The following FAM222B variants were observed in gnomAD, a reference collection of about 807,000 sequenced individuals.
The protein encoded by FAM222B is protein FAM222B.
In FAM222B, 12 loss-of-function variants were observed where a neutral mutation model predicts 38.0. The observed-to-expected ratio is 0.32, with a 90% CI of 0.20 to 0.51. The LOEUF is 0.51. Among genes scored for constraint, FAM222B ranks in the 20% least tolerant of loss-of-function variants. The pLI is 0.97. For synonymous variants in FAM222B, 329 were observed against 317.2 expected (o/e 1.04, Z -0.40); for missense variants, 716 against 754.2 (o/e 0.95, Z 0.59).
intron 1 of FAM222B, among the ~76,000 whole-genome samples, chr17:28,803,765 G>A (rs2037349005): frequency 6.6e-6 from 1 of 151,982 alleles, no homozygotes. Context: ...GGATCAAGAG[G>A]TCAGGAGTTC....
At chr17:28,783,514 ATT>A (rs780468798) in intron 1 of FAM222B, among the ~76,000 whole-genome samples, 29 of 97,122 alleles carry the variant, frequency 3.0e-4, no homozygotes, top group Admixed American at 4.4e-4. Flanking sequence ...CCTTCATGAG[ATT>A]TTTTTTTTTT....
chr17:28,768,984 C>A (rs1404843744), intron 1 of FAM222B, among the ~76,000 whole-genome samples: 1 of 151,734 alleles, frequency 6.6e-6, no homozygotes, highest in Non-Finnish European at 1.5e-5. Context: ...GGAGCTAAAA[C>A]TGTGAAATGG....
At chr17:28,814,492 T>C (rs2037938165) in intron 1 of FAM222B, among the ~76,000 whole-genome samples, 2 of 152,170 alleles carry the variant, frequency 1.3e-5, no homozygotes, top group African/African-American at 4.8e-5. Context: ...AGTTTCGCTC[T>C]GTTTCCCAAG....
rs978374028 is a variant in FAM222B at position 28,758,118 on chromosome 17, G to C, written c.*152C>G. ...AGGGGAGGACGAGAGGACCCCTTCT[G>C]TCCCCACTTAGATCCCACCAAATTC... On this transcript the variant is annotated 3_prime_UTR_variant, in exon 3 of 3. Transcript: ENST00000581407. 2 of 699,154 alleles carry C rather than the reference G, an allele frequency of 2.9e-6. No homozygotes were observed. Among genetic ancestry groups the C allele is most frequent in the Non-Finnish European group, 4.6e-6 (2 of 439,156 alleles). 43.3% of individuals were successfully genotyped at this position (699,154 alleles called of 1,614,324 possible).
chr17:28,796,660 T>G lies in FAM222B; in HGVS notation c.-40-29953A>C, dbSNP rs572146524. ...AATTTATCTTCTTTTAACAAAATCCTGGAAAAATCTTATTTTTCAACAGGC... is the reference window on the plus strand; with the variant it reads ...AATTTATCTTCTTTTAACAAAATCCGGGAAAAATCTTATTTTTCAACAGGC... On this transcript the variant is annotated intron_variant, in intron 1 of 2. Transcript: ENST00000581407. 2.6e-5 allele frequency among the ~76,000 whole-genome samples: 4 copies of G among 152,080 alleles called. No individual in the cohort carries two copies. The South Asian group carries it at 8.3e-4, about 32-fold the overall frequency.
intron 1 of FAM222B, among the ~76,000 whole-genome samples, chr17:28,830,051 G>A (rs1418870759): frequency 6.6e-6 from 1 of 151,564 alleles, no homozygotes; most frequent in Non-Finnish European, 1.5e-5. Context: ...AGGTTTCACT[G>A]TGTTAACCAG....
At chr17:28,790,884 CTTTTTTTTTTTTTTTTTT>C (rs60664262) in intron 1 of FAM222B, among the ~76,000 whole-genome samples, 6 of 86,092 alleles carry the variant, frequency 7.0e-5, no homozygotes, top group Middle Eastern at 0.015. Flanking sequence ...AATTGTTTCA[CTTTTTTTTTTTTTTTTTT>C]TTTTTTTTTT....
chr17:28,756,435 G>A lies in FAM222B; in HGVS notation c.*1835C>T, dbSNP rs1267647060. On this transcript the variant is annotated 3_prime_UTR_variant, in exon 3 of 3. Transcript: ENST00000581407. ...AATAGCAGCTCACCTTTCAGGGAGA[G>A]GTATTGGGGAGGAAAAAAAAATACA... The A allele has an allele frequency of 6.6e-6, 1 of 152,526 alleles. No individual in the cohort carries two copies. Among genetic ancestry groups the A allele is most frequent in the Admixed American group, 6.6e-5 (1 of 15,260 alleles). 9.4% of individuals were successfully genotyped at this position (152,526 alleles called of 1,614,324 possible).
At chr17:28,760,143 G>A (rs1208839403) in intron 2 of FAM222B, among the ~76,000 whole-genome samples, 2 of 152,188 alleles carry the variant, frequency 1.3e-5, no homozygotes, top group Non-Finnish European at 2.9e-5. Context: ...GTAGAAGCAG[G>A]CACTATCATC....
intron 1 of FAM222B, among the ~76,000 whole-genome samples, chr17:28,813,022 CGGGGGG>C (rs71359255): frequency 5.6e-3 from 5 of 890 alleles, no homozygotes; most frequent in African/African-American, 0.013. Context: ...AGAAATTAAG[CGGGGGG>C]GGGGGGGGGG....
intron 1 of FAM222B, among the ~76,000 whole-genome samples, chr17:28,799,400 C>T (rs183152981): frequency 6.6e-6 from 1 of 150,578 alleles, no homozygotes; most frequent in East Asian, 2.0e-4. Flanking sequence ...CGGGTTCAAG[C>T]GATTCTCCTG....
chr17:28,816,814 G>A (rs1457458482), intron 1 of FAM222B, among the ~76,000 whole-genome samples: 1 of 152,066 alleles, frequency 6.6e-6, no homozygotes, highest in Non-Finnish European at 1.5e-5. Context: ...GTAGGCCTGA[G>A]AAAAACACTG....
At chr17:28,778,312 G>T (rs1297462553) in intron 1 of FAM222B, among the ~76,000 whole-genome samples, 2 of 151,710 alleles carry the variant, frequency 1.3e-5, no homozygotes, top group African/African-American at 2.4e-5. Flanking sequence ...TGTTCTCACT[G>T]TTCAGCTCCC....
chr17:28,815,385 T>C (rs987188825), intron 1 of FAM222B, among the ~76,000 whole-genome samples: 1 of 152,260 alleles, frequency 6.6e-6, no homozygotes, highest in Admixed American at 6.5e-5. Context: ...AGCTAATTTT[T>C]TGTATTCTTT....
In FAM222B at chr17:28,758,962, C is replaced by A. The variant is rs1263022188; in HGVS notation, c.997G>T (p.Ala333Ser). ...CCTGCAGCAGGCAACGCGGCGGTGG[C>A]CGCGTGGGTGTGCTCCATGGGATTG... is the stretch of plus-strand genomic sequence containing the variant. ...VVNPMEHTHA[A>S]TAALPAAGPV... Residue 333 changes from alanine to serine, a missense_variant, in exon 3 of 3, where the codon GCC becomes TCC. By Grantham distance (99) the Ala-to-Ser change is moderately conservative. Transcript: ENST00000581407. 6.2e-7 allele frequency: 1 copy of A among 1,610,674 alleles called. No individual in the cohort carries two copies. The highest frequency in any genetic ancestry group is 1.7e-5 in the Admixed American group (1 of 59,394).
Position 28,759,302 on chromosome 17 carries a change from G to A in FAM222B, c.657C>T (p.Leu219=). Residue 219 remains leucine (L), a synonymous_variant, in exon 3 of 3, where the codon CTC becomes CTT. Transcript: ENST00000581407. This position sits in a 1 kb window ranked among gnomAD's most constrained non-coding sequence, Gnocchi z 4.8. The part of the protein sequence containing the change: ...VHPQALAHQG[L]QHPHNPLLHG... ...GCAGCAAGGGATTGTGGGGGTGCTG[G>A]AGACCCTGGTGAGCCAGGGCCTGAG... 3 of 1,612,420 alleles carry A rather than the reference G, an allele frequency of 1.9e-6. No homozygotes were observed. Among genetic ancestry groups the A allele is most frequent in the Non-Finnish European group, 2.5e-6 (3 of 1,179,350 alleles).
At chr17:28,850,817 C>A (rs1009486017) in intron 1 of FAM222B, among the ~76,000 whole-genome samples, 1 of 151,994 alleles carries the variant, frequency 6.6e-6, no homozygotes, top group Admixed American at 6.6e-5. Flanking sequence ...CTATAAAAAT[C>A]AAAAATTGTA....
At chr17:28,830,186 G>T (rs527852817) in intron 1 of FAM222B, among the ~76,000 whole-genome samples, 2 of 110,792 alleles carry the variant, frequency 1.8e-5, no homozygotes, top group South Asian at 6.2e-4. Flanking sequence ...TTTTGAGAGC[G>T]TGTCTCACTC....
At chr17:28,829,673 G>A (rs1477474341) in intron 1 of FAM222B, among the ~76,000 whole-genome samples, 1 of 152,102 alleles carries the variant, frequency 6.6e-6, no homozygotes, top group African/African-American at 2.4e-5. Context: ...TTGCTGAGTA[G>A]TATTCCATTG....
Sources: allele counts gnomAD v4.1 joint callset (sites outside exome capture counted in the v4.1 genomes callset), GRCh38; gene constraint gnomAD v4.1.1; non-coding constraint Gnocchi (gnomAD v3.1); transcripts MANE v1.5; gene names NCBI Gene and HGNC (gene_info 2026-07-23, HGNC 2026-07-21).